The following SATB2 variants were observed in gnomAD, a reference collection of about 807,000 sequenced individuals.
SATB2 encodes the protein DNA-binding protein SATB2.
In SATB2, 1 loss-of-function variant was observed where a neutral mutation model predicts 73.4. That is an observed-to-expected ratio of 0.01 (90% CI 0.00 to 0.06). The LOEUF (loss-of-function observed/expected upper bound fraction) is 0.06. Ranked by LOEUF, SATB2 falls within the 10% of genes least tolerant of loss-of-function variation. The pLI is 1.00. For missense variants in SATB2, 459 were observed against 945.8 expected, an observed-to-expected ratio of 0.49 and a Z score of 6.75; for synonymous variants, 397 against 367.0, an observed-to-expected ratio of 1.08 and a Z score of -0.93.
intron 2 of SATB2, among the ~76,000 whole-genome samples, chr2:199,451,061 A>G (rs767643311): frequency 1.3e-5 from 2 of 151,634 alleles, no homozygotes; most frequent in Admixed American, 6.6e-5. Context: ...GTTAAAAAAC[A>G]GATGCCTTAA....
upstream of SATB2, among the ~76,000 whole-genome samples, chr2:199,469,270 G>C (rs1250122839): frequency 1.3e-5 from 2 of 152,180 alleles, no homozygotes; most frequent in African/African-American, 2.4e-5. Context: ...ACCCGCTCTC[G>C]ATTTCGCCGC....
intron 2 of SATB2, among the ~76,000 whole-genome samples, chr2:199,451,251 C>T (rs138027542): frequency 6.6e-6 from 1 of 151,968 alleles, no homozygotes; most frequent in East Asian, 1.9e-4. Flanking sequence ...GGCGGATACC[C>T]TATGTTCTGT....
chr2:199,439,764 G>A (rs1052547578), intron 2 of SATB2, among the ~76,000 whole-genome samples: 1 of 152,074 alleles, frequency 6.6e-6, no homozygotes, highest in African/African-American at 2.4e-5. Context: ...CAGACAAGAA[G>A]AGAAGTAACT....
intron 7 of SATB2, among the ~76,000 whole-genome samples, chr2:199,340,142 A>T (rs1688461544): frequency 6.6e-6 from 1 of 152,198 alleles, no homozygotes; most frequent in Admixed American, 6.5e-5. Context: ...ATCCATTGAA[A>T]ACATTCTCCA....
chr2:199,401,938 G>A (rs1352307413), intron 3 of SATB2, among the ~76,000 whole-genome samples: 1 of 152,140 alleles, frequency 6.6e-6, no homozygotes, highest in African/African-American at 2.4e-5. Flanking sequence ...TTAGGTTACT[G>A]GGGGAGGCTG....
chr2:199,468,422 A>ACATT (rs1465165738), upstream of SATB2, among the ~76,000 whole-genome samples: 1 of 151,874 alleles, frequency 6.6e-6, no homozygotes, highest in Non-Finnish European at 1.5e-5. Flanking sequence ...CTGCCACAGG[A>ACATT]CATTAGCTCT....
At chr2:199,373,155 C>G (rs1243155204) in intron 5 of SATB2, among the ~76,000 whole-genome samples, 1 of 152,094 alleles carries the variant, frequency 6.6e-6, no homozygotes, top group Non-Finnish European at 1.5e-5. Context: ...AATCCCCTGT[C>G]TGAGGGAAGA....
intron 5 of SATB2, among the ~76,000 whole-genome samples, chr2:199,378,073 G>A (rs1011774386): frequency 2.6e-5 from 4 of 152,166 alleles, no homozygotes; most frequent in African/African-American, 9.7e-5. Flanking sequence ...GCCCTGAGAA[G>A]TGAACAGACT....
chr2:199,286,852 A>G (rs1326489933), intron 10 of SATB2, among the ~76,000 whole-genome samples: 1 of 152,192 alleles, frequency 6.6e-6, no homozygotes, highest in African/African-American at 2.4e-5. Context: ...TGATTTTTAA[A>G]TAAATGTGTG....
At chr2:199,381,940 T>C (rs1000951815) in intron 3 of SATB2, 120 bp from the exon 4 acceptor site, 16 of 1,109,210 alleles carry the variant, frequency 1.4e-5, no homozygotes, top group Admixed American at 9.9e-5. Context: ...TCAGATATTT[T>C]ACAACCCAGT....
At chr2:199,356,225 CAAAAAAAAA>C (rs200509001) in intron 6 of SATB2, among the ~76,000 whole-genome samples, 8 of 100,980 alleles carry the variant, frequency 7.9e-5, no homozygotes, top group African/African-American at 2.6e-4. Flanking sequence ...GAACATAAGC[CAAAAAAAAA>C]AAAAAAAAAA....
chr2:199,325,230 C>T (rs1687998572), intron 8 of SATB2: 1 of 152,096 alleles, frequency 6.6e-6, no homozygotes, highest in African/African-American at 2.4e-5. Flanking sequence ...GCCAGGTACT[C>T]CAGAAAGCAT....
chr2:199,401,161 G>C (rs1298880979), intron 3 of SATB2, among the ~76,000 whole-genome samples: 1 of 152,144 alleles, frequency 6.6e-6, no homozygotes, highest in African/African-American at 2.4e-5. Context: ...GAACAAGATC[G>C]ACATGGTAAC....
intron 3 of SATB2, among the ~76,000 whole-genome samples, chr2:199,420,233 C>T (rs377045560): frequency 9.9e-5 from 15 of 152,134 alleles, no homozygotes; most frequent in Non-Finnish European, 7.3e-5. Flanking sequence ...ACGAGGTTTG[C>T]GAACATTAAA....
chr2:199,413,142 T>A (rs1404592215), intron 3 of SATB2, among the ~76,000 whole-genome samples: 1 of 152,232 alleles, frequency 6.6e-6, no homozygotes, highest in East Asian at 1.9e-4. Context: ...GTATATCTTC[T>A]CATAATCTAT....
chr2:199,320,205 G>A (rs1023486296), intron 9 of SATB2, among the ~76,000 whole-genome samples: 1 of 152,010 alleles, frequency 6.6e-6, no homozygotes, highest in African/African-American at 2.4e-5. Flanking sequence ...CACAGAAAAC[G>A]CTCCATATGC....
At chr2:199,334,862 TTC>T (rs1244172560) in intron 7 of SATB2, among the ~76,000 whole-genome samples, 1 of 152,106 alleles carries the variant, frequency 6.6e-6, no homozygotes, top group East Asian at 1.9e-4. Flanking sequence ...ACAAAATCGT[TTC>T]TCTCCTAACC....
upstream of SATB2, chr2:199,458,592 C>T: frequency 4.6e-6 from 2 of 431,844 alleles, no homozygotes; most frequent in South Asian, 1.6e-5. Flanking sequence ...GCACTCGTCC[C>T]GGCGCGGAGG....
At chr2:199,356,225 CAAAAAA>C (rs200509001) in intron 6 of SATB2, among the ~76,000 whole-genome samples, 89 of 100,990 alleles carry the variant, frequency 8.8e-4, no homozygotes, top group African/African-American at 4.0e-3. Flanking sequence ...GAACATAAGC[CAAAAAA>C]AAAAAAAAAA....
Sources: gnomAD v4.1 joint callset for allele counts (sites outside exome capture counted in the v4.1 genomes callset) on GRCh38, gnomAD v4.1.1 for gene constraint, MANE v1.5 for transcripts, NCBI Gene and HGNC (gene_info 2026-07-23, HGNC 2026-07-21) for gene names.